Variants in GSDMC observed in about 807,000 individuals in gnomAD.
GSDMC encodes the protein gasdermin-C.
A neutral mutation model predicts 58.0 loss-of-function variants in GSDMC; 59 were observed. The ratio of observed to expected loss-of-function variants is 1.02; its 90% CI spans 0.82 to 1.26. The LOEUF (loss-of-function observed/expected upper bound fraction) is 1.26. Among genes scored for constraint, GSDMC ranks in the 50% most tolerant of loss-of-function variants. GSDMC has a pLI of 0.00. For synonymous variants in GSDMC, 241 were observed against 220.2 expected (o/e 1.09, Z -0.83); for missense variants, 659 against 598.5 (o/e 1.10, Z -1.06).
chr8:129,773,350 CTA>C (rs1373423692), intron 3 of GSDMC, among the ~76,000 whole-genome samples: 1 of 152,152 alleles, frequency 6.6e-6, no homozygotes, highest in African/African-American at 2.4e-5. Flanking sequence ...ACAGATGACA[CTA>C]TCTTATACAT....
At position 129,780,535 on chromosome 8, in the gene GSDMC, T is replaced by G. The variant is rs552959128; in HGVS notation, c.-4-2944A>C. ...AAAAAACTTTTACCCTAGAATAATA[T>G]ATCTGGCAAAAAAAATATGCTTCAA... On this transcript the variant is annotated intron_variant, in intron 1 of 13. Coordinates refer to ENST00000276708, the MANE Select transcript of GSDMC (RefSeq NM_031415.3). Among the ~76,000 whole-genome samples the G allele has an allele frequency of 2.0e-5, 3 of 152,146 alleles. No homozygotes were observed. The East Asian group carries it at 5.8e-4, about 29-fold the overall frequency.
the GSDMC span, among the ~76,000 whole-genome samples, chr8:129,725,298 C>T: frequency 6.6e-6 from 1 of 152,168 alleles, no homozygotes; most frequent in African/African-American, 2.4e-5. Context: ...ATTTATCCTC[C>T]CTGGAACCTC....
rs1407386905 is a variant in GSDMC, at chr8:129,777,505, A to G, written c.83T>C (p.Leu28Ser). The change falls in exon 2 of 14, where the codon TTG becomes TCG. Residue 28 changes from leucine (L) to serine (S), a missense_variant. Transcript: ENST00000276708. The stretch of plus-strand genomic sequence containing the variant: ...AAACTGACGTAATTTGGTGGCACTC[A>G]ATAGGTATTTGACAGGTGTCAGGTC... ...SKDLTPVKYL[L>S]SATKLRQFVI... is the part of the protein sequence containing the mutation. 2.5e-6 allele frequency: 4 copies of G among 1,613,222 alleles called. No individual in the cohort carries two copies. Among genetic ancestry groups the G allele is most frequent in the Non-Finnish European group, 3.4e-6 (4 of 1,179,320 alleles).
At chr8:129,725,016 A>G in the GSDMC span, among the ~76,000 whole-genome samples, 10 of 152,354 alleles carry the variant, frequency 6.6e-5, no homozygotes, top group African/African-American at 2.4e-4. Flanking sequence ...ATACAAGGCC[A>G]GTTGAACAAG....
the GSDMC span, among the ~76,000 whole-genome samples, chr8:129,740,182 C>CA: frequency 1.3e-5 from 2 of 151,754 alleles, no homozygotes; most frequent in Non-Finnish European, 2.9e-5. Flanking sequence ...AAAAGGTTTG[C>CA]AAAAAAATAA....
At position 129,761,602 on chromosome 8, in the gene GSDMC, A is replaced by G. The variant is rs181315989; in HGVS notation, c.677-1013T>C. 5.3e-5 allele frequency among the ~76,000 whole-genome samples: 8 copies of G among 152,276 alleles called. 1 individual carries two copies. The Middle Eastern group carries it at 0.02, about 388-fold the overall frequency. On this transcript the variant is annotated intron_variant, in intron 5 of 13. Transcript: ENST00000276708. Reference sequence around the variant, plus strand: ...TTGTTGATGATGATGATATTTTGAAACTAGAGCTCCTTTTCTTTTCCTTCT... The same window carrying G: ...TTGTTGATGATGATGATATTTTGAAGCTAGAGCTCCTTTTCTTTTCCTTCT...
the GSDMC span, among the ~76,000 whole-genome samples, chr8:129,721,477 T>C: frequency 0.67 from 101,180 of 152,064 alleles, 35,878 homozygotes; most frequent in African/African-American, 0.91. Flanking sequence ...AAAAGCATCC[T>C]CAATTTTAAT....
the GSDMC span, among the ~76,000 whole-genome samples, chr8:129,730,721 C>A: frequency 2.0e-5 from 3 of 152,200 alleles, no homozygotes; most frequent in Non-Finnish European, 4.4e-5. Flanking sequence ...ACACAGCAGT[C>A]TCCTACTTAA....
chr8:129,784,786 C>A (rs1438444209), intron 1 of GSDMC, among the ~76,000 whole-genome samples: 1 of 152,216 alleles, frequency 6.6e-6, no homozygotes, highest in African/African-American at 2.4e-5. Flanking sequence ...GAAGAGATAT[C>A]TTCACTCCCA....
chr8:129,717,635 C>T, the GSDMC span, among the ~76,000 whole-genome samples: 1 of 152,096 alleles, frequency 6.6e-6, no homozygotes, highest in African/African-American at 2.4e-5. Context: ...CCTCAAGCTA[C>T]CATTGACTTT....
At chr8:129,708,795 A>G in the GSDMC span, among the ~76,000 whole-genome samples, 3 of 152,228 alleles carry the variant, frequency 2.0e-5, no homozygotes, top group African/African-American at 7.2e-5. Context: ...TTCTAGCACC[A>G]AGTCTTCTTC....
intron 3 of GSDMC, among the ~76,000 whole-genome samples, chr8:129,768,680 C>T (rs2033948138): frequency 6.6e-6 from 1 of 152,028 alleles, no homozygotes; most frequent in African/African-American, 2.4e-5. Flanking sequence ...AAACAGAATG[C>T]AGAGTGAAAA....
At chr8:129,728,669 G>A in the GSDMC span, 1 of 347,432 alleles carries the variant, frequency 2.9e-6, no homozygotes, top group East Asian at 5.7e-5. Context: ...CAAGGATCAA[G>A]TATATACCCA....
chr8:129,752,299 A>G, intron 7 of GSDMC, 152 bp from the exon 8 acceptor site: 1 of 687,044 alleles, frequency 1.5e-6, no homozygotes, highest in Admixed American at 2.3e-5. Context: ...AAACTTCCCC[A>G]GAGAGATGGA....
chr8:129,750,036 C>G lies in GSDMC; in HGVS notation c.1167G>C (p.Trp389Cys), dbSNP rs899351019. Residue 389 changes from tryptophan to cysteine, a missense_variant, in exon 12 of 14, where the codon TGG (tryptophan) becomes TGC (cysteine). By Grantham distance (215) the Trp-to-Cys change is radical. Coordinates refer to ENST00000276708, the MANE Select transcript of GSDMC (RefSeq NM_031415.3). ...AAAGAATGGGGTCCTTTGGGTTAAA[C>G]CATGCATGGTTTGAATCCTGTTGAA... ...KKLQQDSNHAWFNPKDPILYL... is the reference protein window; with the variant it reads ...KKLQQDSNHACFNPKDPILYL... 6.2e-7 allele frequency: 1 copy of G among 1,611,500 alleles called. No individual in the cohort carries two copies. Among genetic ancestry groups the G allele is most frequent in the Non-Finnish European group, 8.5e-7 (1 of 1,178,872 alleles).
chr8:129,706,711 A>G, the GSDMC span: 10 of 152,200 alleles, frequency 6.6e-5, no homozygotes, highest in Non-Finnish European at 1.5e-4. Flanking sequence ...CAACTCCCCA[A>G]AAAGTTCATG....
intron 7 of GSDMC, among the ~76,000 whole-genome samples, 155 bp from the exon 8 acceptor site, chr8:129,752,302 G>T (rs2033239719): frequency 6.6e-6 from 1 of 152,158 alleles, no homozygotes; most frequent in Admixed American, 6.5e-5. Context: ...CTTCCCCAGA[G>T]AGATGGATCC....
chr8:129,750,643 C>A, intron 10 of GSDMC, 73 bp from the exon 11 acceptor site: 1 of 1,480,578 alleles, frequency 6.8e-7, no homozygotes. Context: ...GAATGACAGC[C>A]TGTTTGCACG....
chr8:129,740,144 G>GT, the GSDMC span, among the ~76,000 whole-genome samples: 2 of 152,072 alleles, frequency 1.3e-5, no homozygotes, highest in African/African-American at 4.8e-5. Context: ...GAATGTTTGG[G>GT]TTTTAAGCTA....
Sources: allele counts gnomAD v4.1 joint callset (sites outside exome capture counted in the v4.1 genomes callset), GRCh38; gene constraint gnomAD v4.1.1; transcripts MANE v1.5; gene names NCBI Gene and HGNC (gene_info 2026-07-23, HGNC 2026-07-21).